The following APBB2 variants were observed in gnomAD, a reference collection of about 807,000 sequenced individuals.
APBB2 encodes the protein amyloid beta precursor protein binding family B member 2.
APBB2 carries 38 observed loss-of-function variants against 82.5 expected under a neutral mutation model. That is an observed-to-expected ratio of 0.46 (90% CI 0.36 to 0.60). The LOEUF is 0.60. Ranked by LOEUF, APBB2 falls within the 20% of genes least tolerant of loss-of-function variation. APBB2 has a pLI of 0.00. For synonymous variants in APBB2, 341 were observed against 368.2 expected, an observed-to-expected ratio of 0.93 and a Z score of 0.85; for missense variants, 772 against 972.3, an observed-to-expected ratio of 0.79 and a Z score of 2.74.
chr4:41,007,252 A>C (rs893367624), intron 6 of APBB2, among the ~76,000 whole-genome samples: 13 of 151,846 alleles, frequency 8.6e-5, no homozygotes, highest in African/African-American at 3.1e-4. Context: ...GCTGACATGC[A>C]TTCTCTTTCC....
rs188005322 is a variant in APBB2 at position 41,085,123 on chromosome 4, C to T, written c.-149+15516G>A. The stretch of plus-strand genomic sequence containing the variant: ...AAAATTAGCTGGGCGTGGTGATGCG[C>T]GCCTGTAGTCCCAGCTACTTGGGAG... On this transcript the variant is annotated intron_variant, in intron 3 of 17. Coordinates refer to ENST00000508593, the MANE Select transcript of APBB2 (RefSeq NM_004307.2). Among the ~76,000 whole-genome samples, 453 of 151,894 alleles carry T rather than the reference C, an allele frequency of 3.0e-3. 1 individual carries two copies. Among genetic ancestry groups the T allele is most frequent in the Non-Finnish European group, 4.8e-3 (327 of 67,964 alleles).
chr4:40,846,746 T>C (rs756027808), intron 12 of APBB2, among the ~76,000 whole-genome samples: 17 of 152,162 alleles, frequency 1.1e-4, no homozygotes, highest in Non-Finnish European at 1.8e-4. Flanking sequence ...TCAAGGCACA[T>C]TATTCTAAAC....
At chr4:40,937,847 G>A (rs1158641401) in intron 7 of APBB2, among the ~76,000 whole-genome samples, 1 of 152,156 alleles carries the variant, frequency 6.6e-6, no homozygotes, top group Non-Finnish European at 1.5e-5. Flanking sequence ...ATTAAGAAGA[G>A]AGAATATTTT....
intron 1 of APBB2, among the ~76,000 whole-genome samples, chr4:41,150,535 T>C (rs989208171): frequency 6.6e-6 from 1 of 152,206 alleles, no homozygotes; most frequent in Admixed American, 6.5e-5. Context: ...CCTACTACTC[T>C]GTCAATTCTT....
chr4:41,212,620 C>T (rs1388330557), intron 1 of APBB2, among the ~76,000 whole-genome samples: 1 of 152,256 alleles, frequency 6.6e-6, no homozygotes, highest in Non-Finnish European at 1.5e-5. Context: ...TTAGAGTCGT[C>T]TCTCAAAGGC....
At chr4:41,002,505 C>A (rs1433679916) in intron 6 of APBB2, among the ~76,000 whole-genome samples, 1 of 152,184 alleles carries the variant, frequency 6.6e-6, no homozygotes, top group Non-Finnish European at 1.5e-5. Context: ...GGTTCTTCTA[C>A]CGTAACAGTT....
intron 6 of APBB2, among the ~76,000 whole-genome samples, chr4:40,992,844 A>G (rs532694234): frequency 6.6e-6 from 1 of 152,122 alleles, no homozygotes; most frequent in African/African-American, 2.4e-5. Context: ...ACAGGGCCGG[A>G]TGGAGATAGG....
At chr4:41,096,185 A>T (rs1339870227) in intron 3 of APBB2, among the ~76,000 whole-genome samples, 1 of 152,192 alleles carries the variant, frequency 6.6e-6, no homozygotes. Context: ...CGTCCTTTGC[A>T]TACCTACAGC....
intron 1 of APBB2, among the ~76,000 whole-genome samples, chr4:41,193,231 A>G (rs1388475227): frequency 6.6e-6 from 1 of 152,238 alleles, no homozygotes; most frequent in African/African-American, 2.4e-5. Flanking sequence ...CCACCAACTA[A>G]CTTAACAGTA....
At chr4:40,914,682 C>A (rs1258899722) in intron 10 of APBB2, among the ~76,000 whole-genome samples, 1 of 152,232 alleles carries the variant, frequency 6.6e-6, no homozygotes, top group African/African-American at 2.4e-5. Flanking sequence ...AGGAACCTAA[C>A]TCTGTATTTC....
intron 10 of APBB2, among the ~76,000 whole-genome samples, chr4:40,902,055 G>A (rs1043203432): frequency 6.6e-5 from 10 of 152,122 alleles, no homozygotes; most frequent in African/African-American, 2.4e-4. Context: ...GTGACTTTAA[G>A]CAAAATGACC....
At chr4:40,846,925 C>T (rs548768782) in intron 12 of APBB2, among the ~76,000 whole-genome samples, 48 of 151,838 alleles carry the variant, frequency 3.2e-4, no homozygotes, top group Non-Finnish European at 5.0e-4. Context: ...TTCATCTGTG[C>T]TATATCACAG....
At chr4:41,000,105 G>A (rs7681355) in intron 6 of APBB2, among the ~76,000 whole-genome samples, 58,674 of 134,870 alleles carry the variant, frequency 0.44, 13,390 homozygotes, top group South Asian at 0.53. Flanking sequence ...GTGTGTGTGT[G>A]TATAAATTAG....
At chr4:40,866,313 GC>G (rs912672624) in intron 12 of APBB2, among the ~76,000 whole-genome samples, 2 of 152,008 alleles carry the variant, frequency 1.3e-5, no homozygotes, top group Non-Finnish European at 2.9e-5. Context: ...CAAAATAGAA[GC>G]ACTTTACTTT....
rs1217938149 is a variant in APBB2 at position 41,025,963 on chromosome 4, AGAAAAAAAG to A, written c.19+7264_19+7272del. ...TCTCCACAAAAAAAAAAAAAAAAAA[AGAAAAAAAG>A]GAAAATGTGGTACATATATACCATG... On this transcript the variant is annotated intron_variant, in intron 5 of 17. Transcript: ENST00000508593. 6.0e-3 allele frequency among the ~76,000 whole-genome samples: 909 copies of A among 150,886 alleles called. 9 individuals are homozygous for A. The highest frequency in any genetic ancestry group is 0.021 in the African/African-American group (848 of 40,940).
At position 41,188,602 on chromosome 4, in the gene APBB2, G is replaced by A. The variant is rs557028567; in HGVS notation, c.-417+25803C>T. On this transcript the variant is annotated intron_variant, in intron 1 of 17. Coordinates refer to ENST00000508593, the MANE Select transcript of APBB2 (RefSeq NM_004307.2). ...ATCTGCCAGCACCTTCATCTCGAACGTTTTCCAGCTTCCCGAACTGTGAGA... is the reference window on the plus strand; with the variant it reads ...ATCTGCCAGCACCTTCATCTCGAACATTTTCCAGCTTCCCGAACTGTGAGA... 2.0e-5 allele frequency among the ~76,000 whole-genome samples: 3 copies of A among 152,270 alleles called. No individual in the cohort carries two copies. The East Asian group carries it at 5.8e-4, about 29-fold the overall frequency.
At chr4:41,089,754 A>C (rs1221155397) in intron 3 of APBB2, among the ~76,000 whole-genome samples, 3 of 152,210 alleles carry the variant, frequency 2.0e-5, no homozygotes, top group African/African-American at 7.2e-5. Flanking sequence ...TCTACTCTGT[A>C]AATCTACCCT....
chr4:40,827,952 G>C (rs553010550), intron 13 of APBB2, among the ~76,000 whole-genome samples: 3 of 152,206 alleles, frequency 2.0e-5, no homozygotes, highest in Middle Eastern at 3.4e-3. Context: ...TACTGTTCTC[G>C]TGGTGGTGAG....
intron 5 of APBB2, 63 bp downstream of exon 5, chr4:41,033,173 C>CT: frequency 2.9e-6 from 3 of 1,043,884 alleles, no homozygotes; most frequent in Non-Finnish European, 4.4e-6. Flanking sequence ...TAAACATTAT[C>CT]TTTTTTTAAG....
Sources: allele counts gnomAD v4.1 joint callset (sites outside exome capture counted in the v4.1 genomes callset), GRCh38; gene constraint gnomAD v4.1.1; transcripts MANE v1.5; gene names NCBI Gene and HGNC (gene_info 2026-07-23, HGNC 2026-07-21).